CNTN4: variants seen among roughly 807,000 people sequenced by gnomAD.
The protein encoded by CNTN4 is contactin-4.
In CNTN4, 77 loss-of-function variants were observed where a neutral mutation model predicts 122.5. The ratio of observed to expected loss-of-function variants is 0.63; its 90% CI spans 0.52 to 0.76. The LOEUF is 0.76. Ranked by LOEUF, CNTN4 falls within the 30% of genes least tolerant of loss-of-function variation. CNTN4 has a pLI of 0.00. For missense variants in CNTN4, 1,256 were observed against 1,259.1 expected (o/e 1.00, Z 0.04); for synonymous variants, 512 against 447.0 (o/e 1.15, Z -1.83).
At position 2,388,552 on chromosome 3, in the gene CNTN4, A is replaced by G. The variant is rs544940538; in HGVS notation, c.-89+49319A>G. On this transcript the variant is annotated intron_variant, in intron 3 of 24. Transcript: ENST00000418658. ...CCTGCATAGTCTTATTTAGAAATCT[A>G]CCTAACCAATGGCTGGGCACAGAGG... Among the ~76,000 whole-genome samples the G allele has an allele frequency of 9.2e-5, 14 of 152,306 alleles. 1 individual carries two copies. The highest frequency in any genetic ancestry group is 6.2e-4 in the South Asian group (3 of 4,834).
At chr3:2,382,802 G>A in intron 3 of CNTN4, among the ~76,000 whole-genome samples, 1 of 152,116 alleles carries the variant, frequency 6.6e-6, no homozygotes, top group East Asian at 1.9e-4. Context: ...GGCCAGGCCT[G>A]GTGGCTCATG....
intron 4 of CNTN4, among the ~76,000 whole-genome samples, chr3:2,664,371 TGCAG>T (rs1216276005): frequency 7.2e-5 from 11 of 152,154 alleles, no homozygotes; most frequent in Non-Finnish European, 1.3e-4. Context: ...CTACTTTATT[TGCAG>T]ATGGTCACAT....
intron 14 of CNTN4, among the ~76,000 whole-genome samples, chr3:3,023,050 T>C (rs892641847): frequency 3.3e-5 from 5 of 152,208 alleles, no homozygotes; most frequent in Admixed American, 6.5e-5. Context: ...GACAGTTTGT[T>C]TTGCAGGAAG....
intron 6 of CNTN4, among the ~76,000 whole-genome samples, chr3:2,766,525 A>T (rs1418837825): frequency 1.3e-5 from 2 of 152,196 alleles, no homozygotes; most frequent in East Asian, 3.9e-4. Context: ...ATTTTCACTC[A>T]TAAGTGGGAG....
chr3:3,025,804 T>A (rs1450751415), intron 14 of CNTN4, among the ~76,000 whole-genome samples: 4 of 152,200 alleles, frequency 2.6e-5, no homozygotes, highest in African/African-American at 9.7e-5. Flanking sequence ...CAGAGCAGGC[T>A]GCCAGAAAGT....
At chr3:2,630,170 C>T (rs2082368148) in intron 4 of CNTN4, among the ~76,000 whole-genome samples, 1 of 152,192 alleles carries the variant, frequency 6.6e-6, no homozygotes, top group East Asian at 1.9e-4. Flanking sequence ...TGCAGTGGCT[C>T]ATGCCTGTAA....
At position 2,347,022 on chromosome 3, in the gene CNTN4, T is replaced by C. The variant is rs563716704; in HGVS notation, c.-89+7789T>C. Among the ~76,000 whole-genome samples the C allele has an allele frequency of 2.6e-5, 4 of 152,362 alleles. No individual in the cohort carries two copies. In the East Asian group the frequency reaches 7.7e-4, roughly 29 times the overall value. ...AGCTAGCCTTTCACTTTTTTCTTTATGTCTTCATTTTGCATTATAAGAAAA... is the reference window on the plus strand; with the variant it reads ...AGCTAGCCTTTCACTTTTTTCTTTACGTCTTCATTTTGCATTATAAGAAAA... On this transcript the variant is annotated intron_variant, in intron 3 of 24. Coordinates refer to ENST00000418658, the MANE Select transcript of CNTN4 (RefSeq NM_175607.3).
intron 3 of CNTN4, among the ~76,000 whole-genome samples, chr3:2,517,050 G>A (rs1197615995): frequency 6.6e-6 from 1 of 152,134 alleles, no homozygotes; most frequent in East Asian, 1.9e-4. Flanking sequence ...TATATCAAGT[G>A]TAAGGACATT....
At chr3:2,296,355 A>T (rs2042310950) in intron 2 of CNTN4, among the ~76,000 whole-genome samples, 1 of 152,104 alleles carries the variant, frequency 6.6e-6, no homozygotes, top group Admixed American at 6.6e-5. Flanking sequence ...TATTTCATTG[A>T]GCAGTGGTTT....
At chr3:2,279,151 A>T (rs1370058034) in intron 2 of CNTN4, among the ~76,000 whole-genome samples, 1 of 149,814 alleles carries the variant, frequency 6.7e-6, no homozygotes, top group East Asian at 1.9e-4. Context: ...AACTAATAAA[A>T]ACATCCAAAT....
chr3:2,877,411 A>G (rs542604940), intron 8 of CNTN4, among the ~76,000 whole-genome samples: 69 of 152,254 alleles, frequency 4.5e-4, no homozygotes, highest in Non-Finnish European at 8.5e-4. Context: ...TCCAAAGAAT[A>G]TAAAACGTTG....
At chr3:2,899,864 A>G (rs1279382749) in intron 10 of CNTN4, among the ~76,000 whole-genome samples, 5 of 152,216 alleles carry the variant, frequency 3.3e-5, no homozygotes, top group Non-Finnish European at 5.9e-5. Context: ...GAAATCAATA[A>G]TAAACAATGA....
At chr3:3,026,470 A>G (rs555113876) in intron 15 of CNTN4, among the ~76,000 whole-genome samples, 193 bp downstream of exon 15, 1 of 152,258 alleles carries the variant, frequency 6.6e-6, no homozygotes, top group South Asian at 2.1e-4. Context: ...ACTGCTCCCT[A>G]ACTGGCACCA....
chr3:2,950,514 A>T (rs1039199839), intron 13 of CNTN4, among the ~76,000 whole-genome samples: 2 of 152,198 alleles, frequency 1.3e-5, no homozygotes, highest in Admixed American at 6.5e-5. Flanking sequence ...TGACATCCAG[A>T]TGAGGTTATT....
intron 4 of CNTN4, among the ~76,000 whole-genome samples, chr3:2,719,739 AAATAG>A (rs1357163116): frequency 2.6e-5 from 4 of 152,132 alleles, no homozygotes; most frequent in African/African-American, 9.7e-5. Context: ...TTCACTTTTG[AAATAG>A]AATGAAAAGT....
chr3:2,802,958 CTG>C (rs1433210821), intron 6 of CNTN4, among the ~76,000 whole-genome samples: 1 of 152,110 alleles, frequency 6.6e-6, no homozygotes, highest in East Asian at 1.9e-4. Context: ...AAAGAAAAGA[CTG>C]ATGCATTCAT....
chr3:3,015,413 T>C (rs1312656004), intron 14 of CNTN4, among the ~76,000 whole-genome samples: 1 of 152,180 alleles, frequency 6.6e-6, no homozygotes, highest in Admixed American at 6.5e-5. Context: ...ATCAATCCTA[T>C]CTACATCAAA....
intron 7 of CNTN4, among the ~76,000 whole-genome samples, chr3:2,821,742 G>A (rs2092879700): frequency 6.6e-6 from 1 of 152,184 alleles, no homozygotes; most frequent in Admixed American, 6.5e-5. Flanking sequence ...ATATTTATTA[G>A]GATTCCACTA....
chr3:2,570,413 G>A (rs1436960130), intron 3 of CNTN4, among the ~76,000 whole-genome samples: 2 of 152,166 alleles, frequency 1.3e-5, no homozygotes, highest in African/African-American at 4.8e-5. Context: ...CTGGCCTCAA[G>A]AGATCCTCCC....
Sources: gnomAD v4.1 joint callset for allele counts (sites outside exome capture counted in the v4.1 genomes callset) on GRCh38, gnomAD v4.1.1 for gene constraint, MANE v1.5 for transcripts, NCBI Gene and HGNC (gene_info 2026-07-23, HGNC 2026-07-21) for gene names.